Variants in THADA observed in about 807,000 individuals in gnomAD.
THADA encodes the protein THADA armadillo repeat containing, also known as tRNA (32-2'-O)-methyltransferase regulator THADA.
A neutral mutation model predicts 219.8 loss-of-function variants in THADA; 213 were observed. The ratio of observed to expected loss-of-function variants is 0.97; its 90% CI spans 0.87 to 1.09. THADA has a LOEUF of 1.09. THADA is among the 50% of genes least tolerant of loss of function. THADA has a pLI of 0.00. For synonymous variants in THADA, 1,018 were observed against 828.9 expected (o/e 1.23, Z -3.92); for missense variants, 2,956 against 2,311.3 (o/e 1.28, Z -5.72).
chr2:43,349,665 G>C (rs112078908), intron 29 of THADA, among the ~76,000 whole-genome samples: 179 of 152,216 alleles, frequency 1.2e-3, no homozygotes, highest in Middle Eastern at 0.01. Context: ...AACAGGACAA[G>C]GTTAGACAGG....
At chr2:43,519,524 T>C (rs1244615134) in intron 22 of THADA, among the ~76,000 whole-genome samples, 1 of 152,210 alleles carries the variant, frequency 6.6e-6, no homozygotes, top group Non-Finnish European at 1.5e-5. Flanking sequence ...CTCCTCATCA[T>C]GGTCCCATAC....
chr2:43,524,889 A>T (rs1692964376), intron 22 of THADA, among the ~76,000 whole-genome samples: 1 of 152,158 alleles, frequency 6.6e-6, no homozygotes, highest in Non-Finnish European at 1.5e-5. Flanking sequence ...GTACCATTCA[A>T]CCACAGTTAT....
intron 22 of THADA, among the ~76,000 whole-genome samples, chr2:43,514,004 G>C (rs949316747): frequency 1.3e-5 from 2 of 151,168 alleles, no homozygotes; most frequent in Non-Finnish European, 2.9e-5. Flanking sequence ...GGGCTACAGT[G>C]AGTTATGATG....
intron 26 of THADA, among the ~76,000 whole-genome samples, chr2:43,441,682 T>C (rs1284575428): frequency 6.6e-6 from 1 of 152,162 alleles, no homozygotes; most frequent in African/African-American, 2.4e-5. Context: ...CCATTTATAA[T>C]AGTGTCTCCA....
Position 43,230,889 on chromosome 2 carries a change from T to C in THADA, c.*59A>G. On this transcript the variant is annotated 3_prime_UTR_variant, in exon 38 of 38. Transcript: ENST00000405975. ...TTGAATTTATGTTCAACATGTTTCC[T>C]GCAGATTTAGTGGAGGAAAAATCCA... 1 of 1,519,168 alleles carries C rather than the reference T, an allele frequency of 6.6e-7. No homozygotes were observed. The highest frequency in any genetic ancestry group is 8.8e-7 in the Non-Finnish European group (1 of 1,132,762). 94.1% of individuals were successfully genotyped at this position (1,519,168 alleles called of 1,614,324 possible).
At chr2:43,504,211 T>C (rs1214229448) in intron 24 of THADA, among the ~76,000 whole-genome samples, 2 of 152,226 alleles carry the variant, frequency 1.3e-5, no homozygotes, top group African/African-American at 4.8e-5. Flanking sequence ...AAAAATGTCT[T>C]GAAGTGATCA....
intron 26 of THADA, among the ~76,000 whole-genome samples, chr2:43,477,922 C>T (rs1377817308): frequency 6.6e-6 from 1 of 152,196 alleles, no homozygotes; most frequent in African/African-American, 2.4e-5. Flanking sequence ...ATATGCAACA[C>T]CCTCTTCTCT....
chr2:43,586,430 C>A lies in THADA; in HGVS notation c.504G>T (p.Lys168Asn). 6.3e-7 allele frequency: 1 copy of A among 1,582,000 alleles called. No individual in the cohort carries two copies. Among genetic ancestry groups the A allele is most frequent in the Middle Eastern group, 1.7e-4 (1 of 6,012 alleles). The change falls in exon 7 of 38, where the codon AAG (lysine) becomes AAT (asparagine). Residue 168 changes from lysine (K) to asparagine (N), a missense_variant. By Grantham distance (94) the Lys-to-Asn change is moderately conservative. Transcript: ENST00000405975. ...TTTCTTCCAGGATTTCAATTAAACT[C>A]TTCTGCAGAAAATGAAGCACTGAAA... Reference protein sequence around the residue: ...LLKNVLHFLQKSLIEILEENR... With the variant: ...LLKNVLHFLQNSLIEILEENR...
At position 43,232,830 on chromosome 2, in the gene THADA, G is replaced by T; in HGVS notation, c.5349C>A (p.Ala1783=). The T allele has an allele frequency of 3.1e-6, 5 of 1,612,194 alleles. No homozygotes were observed. The highest frequency in any genetic ancestry group is 2.2e-5 in the East Asian group (1 of 44,874). Residue 1783 remains alanine, a synonymous_variant, in exon 37 of 38, where the codon GCC becomes GCA. Coordinates refer to ENST00000405975, the MANE Select transcript of THADA (RefSeq NM_022065.5). ...ACTGCTGGAGCAGATCACACAGGAC[G>T]GCCAGGGCCAGGGCCAGAGCGATGG... ...DASIALALAL[A]VLCDLLQQWD... is the part of the protein sequence containing the mutation.
At chr2:43,294,766 A>T in intron 31 of THADA, among the ~76,000 whole-genome samples, 1 of 152,156 alleles carries the variant, frequency 6.6e-6, no homozygotes, top group East Asian at 1.9e-4. Flanking sequence ...TAAGTTCAGA[A>T]GGAATCAGGA....
rs951142883 is a variant in THADA at position 43,569,525 on chromosome 2, C to T, written c.2187+863G>A. ...GTTCAGGTTGTGACGTCCCAATCTT[C>T]GTCATTGAGATTTTAAAAGGTCGAA... On this transcript the variant is annotated intron_variant, in intron 14 of 37. Transcript: ENST00000405975. Among the ~76,000 whole-genome samples, 9 of 152,252 alleles carry T rather than the reference C, an allele frequency of 5.9e-5. No homozygotes were observed. The South Asian group carries it at 8.3e-4, about 14-fold the overall frequency.
chr2:43,551,968 T>C (rs1207708842), intron 18 of THADA, 43 bp from the exon 19 acceptor site: 1 of 1,580,462 alleles, frequency 6.3e-7, no homozygotes, highest in East Asian at 2.2e-5. Context: ...AAAGCAAAAA[T>C]CACATTTTAA....
Position 43,549,114 on chromosome 2 carries a change from G to C in THADA, c.3106+96C>G, listed in dbSNP as rs897282765. Reference sequence around the variant, plus strand: ...TTATTTTCTAGAAATGTTCTGCACAGATTTGCAACCTCTAATTTACCATAT... The same window carrying C: ...TTATTTTCTAGAAATGTTCTGCACACATTTGCAACCTCTAATTTACCATAT... On this transcript the variant is annotated intron_variant, in intron 20 of 37. Coordinates refer to ENST00000405975, the MANE Select transcript of THADA (RefSeq NM_022065.5). 3 of 1,137,572 alleles carry C rather than the reference G, an allele frequency of 2.6e-6. No homozygotes were observed. The African/African-American group carries it at 4.9e-5, about 18-fold the overall frequency. 70.5% of individuals were successfully genotyped at this position (1,137,572 alleles called of 1,614,324 possible).
chr2:43,449,377 A>G (rs1682015323), intron 26 of THADA, among the ~76,000 whole-genome samples: 1 of 152,120 alleles, frequency 6.6e-6, no homozygotes, highest in African/African-American at 2.4e-5. Context: ...AGGAGAAGAG[A>G]GAGAGAGAAA....
At chr2:43,332,904 G>C (rs150722555) in intron 30 of THADA, among the ~76,000 whole-genome samples, 1 of 152,176 alleles carries the variant, frequency 6.6e-6, no homozygotes, top group East Asian at 1.9e-4. Context: ...GTGCAGTTGC[G>C]TAAAAGGACT....
chr2:43,409,245 G>C (rs980958606), intron 28 of THADA, among the ~76,000 whole-genome samples: 2 of 152,070 alleles, frequency 1.3e-5, no homozygotes, highest in African/African-American at 4.8e-5. Context: ...TAATGCCCCT[G>C]AATGACCCTC....
At chr2:43,470,207 CAAA>C (rs67659070) in intron 26 of THADA, among the ~76,000 whole-genome samples, 23 of 80,672 alleles carry the variant, frequency 2.9e-4, no homozygotes, top group Non-Finnish European at 4.7e-4. Context: ...GACCTTGTCT[CAAA>C]AAAAAAAAAA....
chr2:43,543,567 C>T (rs1316834574), intron 20 of THADA, among the ~76,000 whole-genome samples: 1 of 151,930 alleles, frequency 6.6e-6, no homozygotes, highest in Non-Finnish European at 1.5e-5. Flanking sequence ...GATTGCCATT[C>T]TACCTGGTGT....
chr2:43,475,772 G>A (rs891714769), intron 26 of THADA, among the ~76,000 whole-genome samples: 5 of 152,066 alleles, frequency 3.3e-5, no homozygotes, highest in African/African-American at 1.2e-4. Context: ...TGAATTTTAT[G>A]GAATCATATA....
Sources: gnomAD v4.1 joint callset for allele counts (sites outside exome capture counted in the v4.1 genomes callset) on GRCh38, gnomAD v4.1.1 for gene constraint, MANE v1.5 for transcripts, NCBI Gene and HGNC (gene_info 2026-07-23, HGNC 2026-07-21) for gene names.